ZNF385D: variants seen among roughly 807,000 people sequenced by gnomAD.
ZNF385D encodes the protein zinc finger protein 659.
In ZNF385D, 15 loss-of-function variants were observed where a neutral mutation model predicts 35.8. That is an observed-to-expected ratio of 0.42 (90% CI 0.28 to 0.64). The LOEUF is 0.64. Ranked by LOEUF, ZNF385D falls within the 30% of genes least tolerant of loss-of-function variation. ZNF385D has a pLI of 0.23. For missense variants in ZNF385D, 474 were observed against 494.6 expected (o/e 0.96, Z 0.39); for synonymous variants, 212 against 186.8 (o/e 1.13, Z -1.10).
At chr3:22,269,917 T>C (rs1701087816) in intron 2 of ZNF385D, among the ~76,000 whole-genome samples, 1 of 151,890 alleles carries the variant, frequency 6.6e-6, no homozygotes, top group African/African-American at 2.4e-5. Flanking sequence ...TATTTTATCC[T>C]GTGCTGATAG....
Position 21,437,701 on chromosome 3 carries a change from C to CAAAAAAAAAAAAAAAAAAAAA in ZNF385D, c.440-499_440-498insTTTTTTTTTTTTTTTTTTTTT, listed in dbSNP as rs751739275. On this transcript the variant is annotated intron_variant, in intron 4 of 7. Transcript: ENST00000281523. ...ACAGATCCTTTTGCAAATGCTTATA[C>CAAAAAAAAAAAAAAAAAAAAA]AAAAAAAAAAAAAAAAAACCGGAAC... Among the ~76,000 whole-genome samples, 2 of 77,194 alleles carry CAAAAAAAAAAAAAAAAAAAAA rather than the reference C, an allele frequency of 2.6e-5. 1 individual carries two copies. Among genetic ancestry groups the CAAAAAAAAAAAAAAAAAAAAA allele is most frequent in the Non-Finnish European group, 4.6e-5 (2 of 43,358 alleles). 50.6% of individuals were successfully genotyped at this position (77,194 alleles called of 152,430 possible).
At chr3:22,039,279 T>G (rs1342780591) in intron 3 of ZNF385D, among the ~76,000 whole-genome samples, 2 of 147,396 alleles carry the variant, frequency 1.4e-5, no homozygotes, top group Non-Finnish European at 3.0e-5. Flanking sequence ...AAAAAGAGTC[T>G]ATGTATAAGC....
intron 3 of ZNF385D, among the ~76,000 whole-genome samples, chr3:21,944,520 G>T (rs1253794185): frequency 6.6e-6 from 1 of 152,220 alleles, no homozygotes; most frequent in African/African-American, 2.4e-5. Flanking sequence ...TGGTTCGCAA[G>T]GAAAGGCTTG....
At chr3:21,908,692 G>GA (rs1699816098) in intron 3 of ZNF385D, among the ~76,000 whole-genome samples, 1 of 151,946 alleles carries the variant, frequency 6.6e-6, no homozygotes, top group African/African-American at 2.4e-5. Context: ...AAATTCCAGG[G>GA]AAAGAAAACA....
intron 1 of ZNF385D, among the ~76,000 whole-genome samples, chr3:21,695,498 C>T (rs976687419): frequency 6.6e-6 from 1 of 152,110 alleles, no homozygotes; most frequent in African/African-American, 2.4e-5. Context: ...CTGCAGGATA[C>T]AGTATATATT....
At position 21,610,374 on chromosome 3, in the gene ZNF385D, T is replaced by G. The variant is rs190050789; in HGVS notation, c.166-45690A>C. Among the ~76,000 whole-genome samples the G allele has an allele frequency of 3.2e-3, 493 of 152,298 alleles. 6 individuals are homozygous for G. The highest frequency in any genetic ancestry group is 0.011 in the African/African-American group (460 of 41,562). ...TATTACAGTGTACCTGGCATAGATATGAGCACTTATTAACATATTTGATCC... is the reference window on the plus strand; with the variant it reads ...TATTACAGTGTACCTGGCATAGATAGGAGCACTTATTAACATATTTGATCC... On this transcript the variant is annotated intron_variant, in intron 2 of 7. Transcript: ENST00000281523.
chr3:22,184,144 T>C (rs1018123181), intron 2 of ZNF385D, among the ~76,000 whole-genome samples: 15 of 152,154 alleles, frequency 9.9e-5, no homozygotes, highest in Non-Finnish European at 2.2e-4. Context: ...ATGTTCAAGT[T>C]GTGTGGCCTC....
chr3:21,670,675 A>G (rs13092289), intron 1 of ZNF385D, among the ~76,000 whole-genome samples: 3 of 20,194 alleles, frequency 1.5e-4, no homozygotes, highest in African/African-American at 3.9e-4. Flanking sequence ...CCCCCCCCCA[A>G]TGACTGAACG....
intron 1 of ZNF385D, among the ~76,000 whole-genome samples, chr3:21,685,728 A>G (rs2067082425): frequency 6.6e-6 from 1 of 152,212 alleles, no homozygotes; most frequent in Non-Finnish European, 1.5e-5. Context: ...GGCATTACCT[A>G]ATTATCCCAG....
chr3:21,493,751 C>T (rs184425957), intron 4 of ZNF385D, among the ~76,000 whole-genome samples: 2 of 152,126 alleles, frequency 1.3e-5, no homozygotes, highest in Admixed American at 6.6e-5. Context: ...CTATGAGCCA[C>T]TGTGCCCAGC....
intron 3 of ZNF385D, among the ~76,000 whole-genome samples, chr3:21,867,361 A>C (rs181576315): frequency 8.9e-4 from 136 of 152,232 alleles, no homozygotes; most frequent in African/African-American, 3.2e-3. Context: ...TTAAATCAAA[A>C]TCTCCAGAGG....
At chr3:21,748,925 A>AT (rs951716864) in intron 1 of ZNF385D, among the ~76,000 whole-genome samples, 27 of 149,100 alleles carry the variant, frequency 1.8e-4, no homozygotes, top group East Asian at 3.9e-4. Context: ...TGTACCACAC[A>AT]TTTTTTTTTT....
At chr3:22,173,971 G>A (rs1031508525) in intron 2 of ZNF385D, among the ~76,000 whole-genome samples, 6 of 151,666 alleles carry the variant, frequency 4.0e-5, no homozygotes, top group Non-Finnish European at 8.8e-5. Context: ...CACCTCAACT[G>A]ATTCCTTCTA....
chr3:22,216,615 A>G (rs1697903287), intron 2 of ZNF385D, among the ~76,000 whole-genome samples: 1 of 152,142 alleles, frequency 6.6e-6, no homozygotes, highest in African/African-American at 2.4e-5. Context: ...CATAAAAGGG[A>G]TAAGAGTGAG....
At chr3:22,299,461 T>C (rs1702778977) in intron 2 of ZNF385D, among the ~76,000 whole-genome samples, 1 of 151,536 alleles carries the variant, frequency 6.6e-6, no homozygotes, top group South Asian at 2.1e-4. Context: ...CAAATCATAA[T>C]TTGAAAAAAA....
At chr3:21,983,166 TA>T (rs200926627) in intron 3 of ZNF385D, among the ~76,000 whole-genome samples, 1,319 of 63,844 alleles carry the variant, frequency 0.021, 13 homozygotes, top group African/African-American at 0.13. Flanking sequence ...TTTATTTTAT[TA>T]TTTTTTTTTA....
intron 3 of ZNF385D, among the ~76,000 whole-genome samples, chr3:22,123,331 A>T (rs2125669891): frequency 6.6e-6 from 1 of 152,308 alleles, no homozygotes; most frequent in East Asian, 1.9e-4. Flanking sequence ...ATTAGTTTTT[A>T]AAATCTTTAT....
chr3:21,690,227 C>A (rs2067237592), intron 1 of ZNF385D, among the ~76,000 whole-genome samples: 1 of 151,756 alleles, frequency 6.6e-6, no homozygotes. Flanking sequence ...ATATATACAT[C>A]CATACACACA....
At chr3:21,834,830 C>G (rs6550627) in intron 3 of ZNF385D, among the ~76,000 whole-genome samples, 1 of 152,040 alleles carries the variant, frequency 6.6e-6, no homozygotes, top group African/African-American at 2.4e-5. Flanking sequence ...CTCACGACAT[C>G]TGGTGGTTTA....
Sources: gnomAD v4.1 joint callset for allele counts (sites outside exome capture counted in the v4.1 genomes callset) on GRCh38, gnomAD v4.1.1 for gene constraint, MANE v1.5 for transcripts, NCBI Gene and HGNC (gene_info 2026-07-23, HGNC 2026-07-21) for gene names.